NUP133: variants seen among roughly 807,000 people sequenced by gnomAD.
NUP133 encodes nuclear pore complex protein Nup133.
Under a neutral mutation model 146.2 loss-of-function variants are expected in NUP133, and 66 were observed. That is an observed-to-expected ratio of 0.45 (90% CI 0.37 to 0.55). The LOEUF (loss-of-function observed/expected upper bound fraction) is 0.55. Ranked by LOEUF, NUP133 falls within the 20% of genes least tolerant of loss-of-function variation. The pLI, the probability that NUP133 is intolerant of heterozygous loss-of-function variation, is 0.00. For synonymous variants in NUP133, 521 were observed against 498.8 expected, an observed-to-expected ratio of 1.04 and a Z score of -0.59; for missense variants, 1,277 against 1,374.8, an observed-to-expected ratio of 0.93 and a Z score of 1.12.
At chr1:229,490,256 CTG>C (rs890067928) in intron 8 of NUP133, among the ~76,000 whole-genome samples, 154 bp from the exon 9 acceptor site, 4 of 152,210 alleles carry the variant, frequency 2.6e-5, no homozygotes, top group Non-Finnish European at 4.4e-5. Context: ...AAACCAATAA[CTG>C]TGTTCACACA....
chr1:229,486,903 G>GA (rs572081486), intron 10 of NUP133, among the ~76,000 whole-genome samples: 2,962 of 115,078 alleles, frequency 0.026, 30 homozygotes, highest in African/African-American at 0.031. Flanking sequence ...ATGGGGACTG[G>GA]AAAAAAAAAA....
At chr1:229,483,195 C>T (rs1571928631) in intron 12 of NUP133, among the ~76,000 whole-genome samples, 1 of 152,120 alleles carries the variant, frequency 6.6e-6, no homozygotes, top group African/African-American at 2.4e-5. Context: ...GCCTCCCGGG[C>T]TCATATGATC....
chr1:229,457,196 T>C (rs1179450040), intron 21 of NUP133, among the ~76,000 whole-genome samples: 2 of 152,108 alleles, frequency 1.3e-5, no homozygotes, highest in Non-Finnish European at 2.9e-5. Flanking sequence ...CTTCAATACA[T>C]GTATATGTTG....
intron 25 of NUP133, among the ~76,000 whole-genome samples, chr1:229,443,718 A>T (rs1660234929): frequency 1.4e-5 from 2 of 147,364 alleles, no homozygotes; most frequent in Non-Finnish European, 3.0e-5. Context: ...ACACACACAT[A>T]TATAATTTTT....
intron 11 of NUP133, among the ~76,000 whole-genome samples, chr1:229,485,901 C>G (rs924021456): frequency 6.6e-6 from 1 of 152,108 alleles, no homozygotes; most frequent in Non-Finnish European, 1.5e-5. Context: ...GGTGGCTCCA[C>G]GCCAGTAATC....
At chr1:229,507,843 G>A (rs1449745248) in intron 1 of NUP133, 1 of 880,164 alleles carries the variant, frequency 1.1e-6, no homozygotes, top group Non-Finnish European at 1.4e-6. Context: ...CTTCACTTCT[G>A]CACAAAGGTA....
chr1:229,458,071 G>C (rs961146834), intron 21 of NUP133, 90 bp downstream of exon 21: 4 of 1,354,376 alleles, frequency 3.0e-6, no homozygotes, highest in African/African-American at 1.4e-5. Context: ...GTTTCTAAGA[G>C]ATAGATCCTG....
At chr1:229,474,961 TG>T (rs1239041577) in intron 14 of NUP133, among the ~76,000 whole-genome samples, 2 of 151,938 alleles carry the variant, frequency 1.3e-5, no homozygotes, top group Non-Finnish European at 2.9e-5. Flanking sequence ...AAAAATTATA[TG>T]GGCATGGTGG....
chr1:229,486,525 T>C lies in NUP133; in HGVS notation c.1346A>G (p.Asp449Gly), dbSNP rs1448652834. ...QEKIVFNAQG[D>G]SVLGAGACGG... The stretch of plus-strand genomic sequence containing the variant: ...ACAGGCACCAGCACCTAAAACACTA[T>C]CTCCTAAAAGAAAGGAAAACAGAGT... The change falls in exon 11 of 26, where the codon GAT (aspartate) becomes GGT (glycine). Residue 449 changes from aspartate to glycine, a missense_variant. Physicochemically the swap from Asp to Gly is moderately conservative, Grantham distance 94. Transcript: ENST00000261396. The C allele has an allele frequency of 5.0e-6, 8 of 1,604,292 alleles. No homozygotes were observed. The highest frequency in any genetic ancestry group is 1.4e-5 in the African/African-American group (1 of 73,690).
intron 12 of NUP133, among the ~76,000 whole-genome samples, chr1:229,481,739 C>T (rs962033855): frequency 2.6e-5 from 4 of 151,140 alleles, no homozygotes; most frequent in East Asian, 1.9e-4. Context: ...AGGACAGCTA[C>T]GTGACAATGG....
chr1:229,460,534 T>G (rs1660670011), intron 20 of NUP133, 77 bp downstream of exon 20: 1 of 1,425,260 alleles, frequency 7.0e-7, no homozygotes, highest in Admixed American at 2.0e-5. Flanking sequence ...AACAGTATTT[T>G]AATTACTAAA....
chr1:229,469,727 C>T (rs1660910966), intron 15 of NUP133, among the ~76,000 whole-genome samples: 1 of 152,208 alleles, frequency 6.6e-6, no homozygotes, highest in South Asian at 2.1e-4. Context: ...CAACTTCTGG[C>T]CTTATGGCAG....
chr1:229,493,975 A>T (rs905779123), intron 8 of NUP133, among the ~76,000 whole-genome samples: 1 of 152,022 alleles, frequency 6.6e-6, no homozygotes, highest in Non-Finnish European at 1.5e-5. Flanking sequence ...TACTAAAAAT[A>T]CAAAAACTAG....
At chr1:229,487,337 T>C (rs778053530) in intron 10 of NUP133, 129 bp downstream of exon 10, 13 of 873,110 alleles carry the variant, frequency 1.5e-5, no homozygotes, top group Admixed American at 1.1e-4. Context: ...GCTGCTGTAG[T>C]TGTGGTATGA....
chr1:229,442,402 G>A (rs924955608), intron 25 of NUP133, among the ~76,000 whole-genome samples: 2 of 152,130 alleles, frequency 1.3e-5, no homozygotes, highest in African/African-American at 4.8e-5. Context: ...TGTTATGAAC[G>A]CTAGCTACAG....
chr1:229,464,740 A>G lies in NUP133; in HGVS notation c.2435T>C (p.Phe812Ser), dbSNP rs1660772419. ...TEQLVALIDCFLDGYVSQLKS... is the reference protein window; with the variant it reads ...TEQLVALIDCSLDGYVSQLKS... ...AAGCTGAGAAACATAACCATCCAGG[A>G]AGCAATCGATCAGGGCTACCAGCTG... The change falls in exon 18 of 26, where the codon TTC (phenylalanine) becomes TCC (serine). Residue 812 changes from phenylalanine to serine, a missense_variant. Physicochemically the swap from Phe to Ser is radical, Grantham distance 155. Transcript: ENST00000261396. 6.2e-7 allele frequency: 1 copy of G among 1,614,108 alleles called. No individual in the cohort carries two copies. The highest frequency in any genetic ancestry group is 1.3e-5 in the African/African-American group (1 of 74,942).
rs542818531 is a variant in NUP133, at chr1:229,493,817, C to A, written c.1046+1678G>T. On this transcript the variant is annotated intron_variant, in intron 8 of 25. Transcript: ENST00000261396. ...GCTTCTCATTCTCAACCTCATGCCT[C>A]CAATTCAGAAAACTATGTGAAAAAT... 1.2e-4 allele frequency among the ~76,000 whole-genome samples: 18 copies of A among 152,264 alleles called. No homozygotes were observed. The South Asian group carries it at 1.9e-3, about 16-fold the overall frequency.
In NUP133 at chr1:229,490,030, T is replaced by C; in HGVS notation, c.1119A>G (p.Ile373Met). Reference protein sequence around the residue: ...DNPCLIYYSLITIEDNGCQMS... With the variant: ...DNPCLIYYSLMTIEDNGCQMS... ...TTTGGCAACCATTATCTTCTATTGT[T>C]ATCAGAGAGTAATAGATGAGACATG... The change falls in exon 9 of 26, where the codon ATA becomes ATG. Residue 373 changes from isoleucine to methionine, a missense_variant. Around this residue, in one of 3 missense-constraint regions of NUP133, gnomAD observed 952 missense variants for 1,047.0 expected, o/e 0.91. Coordinates refer to ENST00000261396, the MANE Select transcript of NUP133 (RefSeq NM_018230.3). 6 of 1,612,432 alleles carry C rather than the reference T, an allele frequency of 3.7e-6. No homozygotes were observed. The highest frequency in any genetic ancestry group is 5.1e-6 in the Non-Finnish European group (6 of 1,178,860).
At chr1:229,496,610 C>A (rs1033873987) in intron 6 of NUP133, among the ~76,000 whole-genome samples, 3 of 152,156 alleles carry the variant, frequency 2.0e-5, no homozygotes, top group African/African-American at 7.2e-5. Context: ...GTTACAGCGT[C>A]TTTGGAGAAC....
Sources: allele counts gnomAD v4.1 joint callset (sites outside exome capture counted in the v4.1 genomes callset), GRCh38; gene constraint gnomAD v4.1.1; regional missense constraint gnomAD v4.1.1; transcripts MANE v1.5; gene names NCBI Gene and HGNC (gene_info 2026-07-23, HGNC 2026-07-21).